The following ACSS3 variants were observed in gnomAD, a reference collection of about 807,000 sequenced individuals.
ACSS3 encodes the protein acyl-CoA synthetase short chain family member 3, also known as acyl-CoA synthetase short-chain family member 3, mitochondrial.
Under a neutral mutation model 84.2 loss-of-function variants are expected in ACSS3, and 64 were observed. The ratio of observed to expected loss-of-function variants is 0.76; its 90% CI spans 0.62 to 0.94. The LOEUF (loss-of-function observed/expected upper bound fraction) is 0.94. Ranked by LOEUF, ACSS3 falls within the 40% of genes least tolerant of loss-of-function variation. The pLI is 0.00. For synonymous variants in ACSS3, 317 were observed against 310.1 expected (o/e 1.02, Z -0.23); for missense variants, 815 against 867.6 (o/e 0.94, Z 0.76).
At chr12:81,137,878 CT>C (rs1050099593) in intron 3 of ACSS3, among the ~76,000 whole-genome samples, 5 of 151,016 alleles carry the variant, frequency 3.3e-5, no homozygotes, top group South Asian at 2.1e-4. Context: ...AGACTTTCTG[CT>C]TTTTTTTTCC....
chr12:81,129,351 T>C lies in ACSS3; in HGVS notation c.457-5465T>C, dbSNP rs150380296. ...TCAGAATGAAAAAAAATGCAAGCTG[T>C]ATGATAAATGCCCCTGGGAATAGTG... On this transcript the variant is annotated intron_variant, in intron 2 of 15. Transcript: ENST00000548058. 3.3e-5 allele frequency among the ~76,000 whole-genome samples: 5 copies of C among 152,196 alleles called. No individual in the cohort carries two copies. In the East Asian group the frequency reaches 9.7e-4, roughly 29 times the overall value.
At chr12:81,170,834 G>T (rs911437992) in intron 7 of ACSS3, among the ~76,000 whole-genome samples, 2 of 152,070 alleles carry the variant, frequency 1.3e-5, no homozygotes, top group Non-Finnish European at 2.9e-5. Context: ...ATTGTGAAGA[G>T]ATTTTATTGC....
intron 9 of ACSS3, among the ~76,000 whole-genome samples, chr12:81,201,757 C>T (rs1389725977): frequency 2.6e-5 from 4 of 152,128 alleles, no homozygotes; most frequent in African/African-American, 9.7e-5. Context: ...TTTGCTTTTA[C>T]AGCCTTTGTT....
intron 7 of ACSS3, among the ~76,000 whole-genome samples, chr12:81,165,335 A>C (rs1216877407): frequency 6.6e-6 from 1 of 152,172 alleles, no homozygotes; most frequent in Non-Finnish European, 1.5e-5. Context: ...CAATATATTC[A>C]AGGAATTAAG....
chr12:81,104,582 C>T (rs1311686481), intron 1 of ACSS3, among the ~76,000 whole-genome samples: 1 of 152,008 alleles, frequency 6.6e-6, no homozygotes, highest in Admixed American at 6.5e-5. Context: ...GGTCCTCCCA[C>T]CCAGCCATGT....
At chr12:81,130,565 C>T (rs755892550) in intron 2 of ACSS3, among the ~76,000 whole-genome samples, 3 of 152,136 alleles carry the variant, frequency 2.0e-5, no homozygotes, top group Non-Finnish European at 2.9e-5. Flanking sequence ...AATTTTCTCA[C>T]ATTCTGTAGG....
At chr12:81,232,798 A>T (rs1392430843) in intron 12 of ACSS3, among the ~76,000 whole-genome samples, 1 of 151,626 alleles carries the variant, frequency 6.6e-6, no homozygotes, top group East Asian at 1.9e-4. Context: ...TCTACTTTTT[A>T]TTCTTATTAT....
At chr12:81,212,704 G>A (rs2032641722) in intron 9 of ACSS3, among the ~76,000 whole-genome samples, 1 of 152,092 alleles carries the variant, frequency 6.6e-6, no homozygotes, top group African/African-American at 2.4e-5. Context: ...GGAAAAATAT[G>A]TATCTAGTTG....
intron 9 of ACSS3, among the ~76,000 whole-genome samples, chr12:81,204,828 G>A (rs2032277036): frequency 6.6e-6 from 1 of 152,084 alleles, no homozygotes; most frequent in Non-Finnish European, 1.5e-5. Context: ...AGCAGCACTA[G>A]GTGATTTTGT....
chr12:81,212,499 A>G (rs2032633878), intron 9 of ACSS3, among the ~76,000 whole-genome samples: 1 of 152,206 alleles, frequency 6.6e-6, no homozygotes, highest in South Asian at 2.1e-4. Flanking sequence ...GTACTTGTCT[A>G]TTCCATTCTT....
intron 2 of ACSS3, among the ~76,000 whole-genome samples, chr12:81,111,651 T>C (rs185995488): frequency 7.9e-5 from 12 of 152,268 alleles, no homozygotes; most frequent in Admixed American, 4.6e-4. Context: ...AGCTCAGAAC[T>C]CTGAACACAT....
intron 8 of ACSS3, among the ~76,000 whole-genome samples, chr12:81,194,362 T>C (rs892189829): frequency 2.6e-5 from 4 of 151,860 alleles, no homozygotes; most frequent in Middle Eastern, 3.2e-3. Flanking sequence ...CAATTAGCAG[T>C]CTGTAATTGA....
intron 11 of ACSS3, among the ~76,000 whole-genome samples, chr12:81,222,078 T>C (rs912765781): frequency 2.6e-5 from 4 of 152,096 alleles, no homozygotes. Flanking sequence ...TTTCAAATAC[T>C]TAAAAGTAAC....
chr12:81,250,812 A>G (rs2034127934), intron 13 of ACSS3, among the ~76,000 whole-genome samples: 1 of 152,176 alleles, frequency 6.6e-6, no homozygotes, highest in Non-Finnish European at 1.5e-5. Flanking sequence ...TTAAGGGAAT[A>G]CCAAGTCAGA....
chr12:81,113,973 A>T (rs10778789), intron 2 of ACSS3, among the ~76,000 whole-genome samples: 80,525 of 151,868 alleles, frequency 0.53, 21,735 homozygotes, highest in East Asian at 0.68. Flanking sequence ...ATGTGTATGT[A>T]TATCTTATAT....
chr12:81,213,863 C>CTCTTT (rs1439600895), intron 9 of ACSS3, among the ~76,000 whole-genome samples: 1 of 98,242 alleles, frequency 1.0e-5, no homozygotes, highest in Non-Finnish European at 2.3e-5. Context: ...CTCTTCTCTT[C>CTCTTT]CTTTCTTTCT....
chr12:81,098,735 C>G (rs905154326), intron 1 of ACSS3, among the ~76,000 whole-genome samples: 1 of 152,194 alleles, frequency 6.6e-6, no homozygotes. Context: ...GGCTAAGATT[C>G]GAACTCTAGT....
At position 81,139,187 on chromosome 12, in the gene ACSS3, C is replaced by G. The variant is rs569413055; in HGVS notation, c.702C>G (p.Tyr234Ter). The change falls in exon 4 of 16, where the codon TAC becomes TAG. Residue 234 changes from tyrosine (Y) to a stop codon, truncating the protein, a stop_gained. Transcript: ENST00000548058. LOFTEE classifies it high-confidence loss of function. The stretch of plus-strand genomic sequence containing the variant: ...TTGAACCTGGAAGGAGGGTAGAGTA[C>G]GTACCACTTGTAGAAGAAGCGCTAA... ...FGIEPGRRVE[Y>*]VPLVEEALKI... 1.2e-6 allele frequency: 2 copies of G among 1,613,700 alleles called. No homozygotes were observed. The highest frequency in any genetic ancestry group is 2.2e-5 in the East Asian group (1 of 44,834).
Position 81,233,416 on chromosome 12 carries a change from T to C in ACSS3, c.1664T>C (p.Val555Ala), listed in dbSNP as rs1295868754. The change falls in exon 13 of 16, where the codon GTG becomes GCG. Residue 555 changes from valine (V) to alanine (A), a missense_variant. Val to Ala is a moderately conservative substitution (Grantham distance 64). Coordinates refer to ENST00000548058, the MANE Select transcript of ACSS3 (RefSeq NM_024560.4). ...GGCTATTTGTATGTTATGTCTCGAG[T>C]GGATGATGTAATAAATGTTGCAGGT... ...EEGYLYVMSR[V>A]DDVINVAGHR... is the part of the protein sequence containing the mutation. 1.2e-6 allele frequency: 2 copies of C among 1,611,160 alleles called. No individual in the cohort carries two copies. Among genetic ancestry groups the C allele is most frequent in the African/African-American group, 1.3e-5 (1 of 74,784 alleles).
Sources: allele counts gnomAD v4.1 joint callset (sites outside exome capture counted in the v4.1 genomes callset), GRCh38; gene constraint gnomAD v4.1.1; transcripts MANE v1.5; gene names NCBI Gene and HGNC (gene_info 2026-07-23, HGNC 2026-07-21).